ARHGEF7: variants seen among roughly 807,000 people sequenced by gnomAD.
The protein encoded by ARHGEF7 is PAK-interacting exchange factor beta.
Under a neutral mutation model 109.8 loss-of-function variants are expected in ARHGEF7, and 33 were observed. The ratio of observed to expected loss-of-function variants is 0.30; its 90% confidence interval spans 0.23 to 0.40. ARHGEF7 has a LOEUF of 0.40. Ranked by LOEUF, ARHGEF7 falls within the 10% of genes least tolerant of loss-of-function variation. ARHGEF7 has a pLI of 1.00. For missense variants in ARHGEF7, 938 were observed against 1,098.5 expected (o/e 0.85, Z 2.07); for synonymous variants, 458 against 424.6 (o/e 1.08, Z -0.97).
At chr13:111,219,529 TG>T (rs1307448490) in intron 5 of ARHGEF7, among the ~76,000 whole-genome samples, 1 of 152,102 alleles carries the variant, frequency 6.6e-6, no homozygotes, top group Non-Finnish European at 1.5e-5. Flanking sequence ...GGTCAGATGG[TG>T]GTTCTGTGAT....
chr13:111,196,087 A>C (rs373756311), intron 2 of ARHGEF7, among the ~76,000 whole-genome samples: 59 of 152,330 alleles, frequency 3.9e-4, no homozygotes, highest in African/African-American at 1.3e-3. Flanking sequence ...GACAGGGTAG[A>C]GTATTTTCTT....
intron 18 of ARHGEF7, among the ~76,000 whole-genome samples, chr13:111,288,853 A>G (rs1342671870): frequency 2.0e-5 from 3 of 152,192 alleles, no homozygotes; most frequent in Non-Finnish European, 4.4e-5. Context: ...TTAGTTTCTT[A>G]GAAATATCCA....
At chr13:111,123,947 T>G (rs2067388441) in intron 1 of ARHGEF7, among the ~76,000 whole-genome samples, 1 of 151,300 alleles carries the variant, frequency 6.6e-6, no homozygotes, top group Admixed American at 6.6e-5. Flanking sequence ...TTTCCACTTG[T>G]ATGTTTCTTC....
At chr13:111,302,878 A>G in intron 21 of ARHGEF7, 113 bp from the exon 22 acceptor site, 1 of 1,367,616 alleles carries the variant, frequency 7.3e-7, no homozygotes. Flanking sequence ...TAGGCAGCTC[A>G]CGTGGGATTT....
chr13:111,239,725 T>C lies in ARHGEF7; in HGVS notation c.760-4147T>C, dbSNP rs1357699008. ...CTCTTTTCCTGGGCGGCGAGGTGCC[T>C]GCTGGCTTCTTTCACACCTGGCTCC... On this transcript the variant is annotated intron_variant, in intron 6 of 21. Transcript: ENST00000646102. This position sits in a 1 kb window ranked among gnomAD's most constrained non-coding sequence, Gnocchi z 4.3. 1.3e-5 allele frequency among the ~76,000 whole-genome samples: 2 copies of C among 152,122 alleles called. No individual in the cohort carries two copies. Among genetic ancestry groups the C allele is most frequent in the African/African-American group, 4.8e-5 (2 of 41,410 alleles).
At chr13:111,221,493 A>ATT (rs1555372650) in intron 5 of ARHGEF7, among the ~76,000 whole-genome samples, 1 of 43,588 alleles carries the variant, frequency 2.3e-5, no homozygotes, top group African/African-American at 7.3e-5. Context: ...ATATATAGAC[A>ATT]TATATATATC....
At chr13:111,277,165 T>C (rs1199355046) in intron 12 of ARHGEF7, among the ~76,000 whole-genome samples, 4 of 152,226 alleles carry the variant, frequency 2.6e-5, no homozygotes, top group African/African-American at 9.6e-5. Flanking sequence ...TTAAAATTTA[T>C]AGGTTCTCTC....
intron 16 of ARHGEF7, among the ~76,000 whole-genome samples, chr13:111,284,870 C>T (rs891889818): frequency 1.4e-4 from 21 of 152,330 alleles, no homozygotes; most frequent in Admixed American, 9.1e-4. Context: ...CAGGTGCCCT[C>T]GGAGCACGTG....
At chr13:111,247,361 T>C (rs926274477) in intron 8 of ARHGEF7, among the ~76,000 whole-genome samples, 1 of 152,062 alleles carries the variant, frequency 6.6e-6, no homozygotes, top group Admixed American at 6.5e-5. Flanking sequence ...CTCTGCCTCC[T>C]GAGTTCAAGT....
At chr13:111,274,078 A>G in intron 10 of ARHGEF7, 126 bp downstream of exon 10, 1 of 1,187,894 alleles carries the variant, frequency 8.4e-7, no homozygotes. Flanking sequence ...GTTTACAAAG[A>G]GTTTTGTTAA....
intron 19 of ARHGEF7, chr13:111,293,655 G>A (rs887783641): frequency 1.4e-5 from 14 of 985,396 alleles, no homozygotes; most frequent in Non-Finnish European, 1.7e-5. Flanking sequence ...TTACGGTTGT[G>A]TTTTAAGTAT....
In ARHGEF7 at chr13:111,278,920, T is replaced by A. The variant is rs115093053; in HGVS notation, c.1506+1247T>A. ...ATTTGCCCTTGATGTGTTGACAGAC[T>A]GCTGGAGCTCATCTCAACAACAGGA... On this transcript the variant is annotated intron_variant, in intron 13 of 21. Coordinates refer to ENST00000646102, the MANE Select transcript of ARHGEF7 (RefSeq NM_001354046.2). Among the ~76,000 whole-genome samples the A allele has an allele frequency of 9.7e-3, 1,484 of 152,346 alleles. 19 individuals are homozygous for A. The highest frequency in any genetic ancestry group is 0.033 in the African/African-American group (1,367 of 41,568).
At chr13:111,185,994 G>GTGTT (rs2079213251) in intron 2 of ARHGEF7, among the ~76,000 whole-genome samples, 2 of 151,436 alleles carry the variant, frequency 1.3e-5, no homozygotes, top group Admixed American at 1.3e-4. Flanking sequence ...GTGTGTGTGT[G>GTGTT]TGTGTGTGTG....
chr13:111,277,751 A>G (rs1474829840), intron 13 of ARHGEF7, 78 bp downstream of exon 13: 1 of 978,978 alleles, frequency 1.0e-6, no homozygotes. Context: ...TGTGTTAAAT[A>G]TTACGTGTAT....
chr13:111,161,302 C>G (rs925015689), intron 2 of ARHGEF7, among the ~76,000 whole-genome samples: 1 of 152,126 alleles, frequency 6.6e-6, no homozygotes, highest in South Asian at 2.1e-4. Flanking sequence ...GGTTATTGCT[C>G]ACTCCTGGTA....
Position 111,303,035 on chromosome 13 carries a change from C to A in ARHGEF7, c.2511C>A (p.Ala837=). 1 of 1,614,164 alleles carries A rather than the reference C, an allele frequency of 6.2e-7. No individual in the cohort carries two copies. Among genetic ancestry groups the A allele is most frequent in the Non-Finnish European group, 8.5e-7 (1 of 1,180,000 alleles). ...AATCTCTAGAGGAAGAACAGAGAGC[C>A]CGCAAAGACCTGGAGAAGCTGGTGA... ...MKKSLEEEQR[A]RKDLEKLVRK... Residue 837 remains alanine (A), a synonymous_variant, in exon 22 of 22, where the codon GCC becomes GCA. Coordinates refer to ENST00000646102, the MANE Select transcript of ARHGEF7 (RefSeq NM_001354046.2).
At chr13:111,256,852 T>C (rs2090485199) in intron 8 of ARHGEF7, among the ~76,000 whole-genome samples, 1 of 152,252 alleles carries the variant, frequency 6.6e-6, no homozygotes, top group Non-Finnish European at 1.5e-5. Flanking sequence ...GCTCCTGTTC[T>C]GTCCAGCTTC....
At chr13:111,282,005 A>G (rs903100323) in intron 15 of ARHGEF7, among the ~76,000 whole-genome samples, 13 of 152,228 alleles carry the variant, frequency 8.5e-5, no homozygotes, top group African/African-American at 3.1e-4. Context: ...CACTGCTTTG[A>G]CGTTGTTGCT....
intron 2 of ARHGEF7, among the ~76,000 whole-genome samples, chr13:111,178,133 AAAGCAAG>A (rs1302702626): frequency 3.9e-5 from 6 of 152,234 alleles, no homozygotes; most frequent in African/African-American, 1.4e-4. Flanking sequence ...ATTTAAAAAT[AAAGCAAG>A]AAAATGCCAG....
Sources: gnomAD v4.1 joint callset for allele counts (sites outside exome capture counted in the v4.1 genomes callset) on GRCh38, gnomAD v4.1.1 for gene constraint, Gnocchi (gnomAD v3.1) non-coding constraint, MANE v1.5 for transcripts, NCBI Gene and HGNC (gene_info 2026-07-23, HGNC 2026-07-21) for gene names.